ZNF641: variants seen among roughly 807,000 people sequenced by gnomAD.
ZNF641 encodes the protein zinc finger protein 641.
In ZNF641, 26 loss-of-function variants were observed where a neutral mutation model predicts 46.2. That is an observed-to-expected ratio of 0.56 (90% confidence interval 0.41 to 0.78). ZNF641 has a LOEUF of 0.78. Ranked by LOEUF, ZNF641 falls within the 30% of genes least tolerant of loss-of-function variation. The pLI, the probability that ZNF641 is intolerant of heterozygous loss-of-function variation, is 0.00. For synonymous variants in ZNF641, 163 were observed against 187.9 expected (o/e 0.87, Z 1.09); for missense variants, 469 against 517.8 (o/e 0.91, Z 0.91).
upstream of ZNF641, chr12:48,351,189 G>C (rs1953030896): frequency 6.6e-6 from 1 of 152,306 alleles, no homozygotes; most frequent in South Asian, 2.1e-4. Flanking sequence ...CCACTTGCCC[G>C]CACTCTTGCC....
chr12:48,346,196 G>A (rs1430957246), intron 3 of ZNF641, among the ~76,000 whole-genome samples: 1 of 152,090 alleles, frequency 6.6e-6, no homozygotes, highest in African/African-American at 2.4e-5. Context: ...GAGCCACCGT[G>A]CCTGGCCATA....
chr12:48,350,082 G>A lies in ZNF641; in HGVS notation c.-26+704C>T, dbSNP rs537396313. 1.9e-6 allele frequency: 3 copies of A among 1,614,222 alleles called. No homozygotes were observed. In the South Asian group the frequency reaches 3.3e-5, roughly 18 times the overall value. On this transcript the variant is annotated intron_variant, in intron 1 of 5. Transcript: ENST00000547026. ...TTGCATTTCCTAAGATATTCACGCA[G>A]AGCCAGCACCTGGGCGGTTAAGGTG...
chr12:48,341,164 T>C lies in ZNF641; in HGVS notation c.*1809A>G. The C allele has an allele frequency of 2.0e-6, 2 of 985,474 alleles. No homozygotes were observed. Among genetic ancestry groups the C allele is most frequent in the Non-Finnish European group, 2.4e-6 (2 of 829,938 alleles). The allele number at this position is 985,474 out of a possible 1,614,324, so 61.0% of individuals were successfully genotyped here. ...GAGCTGTGATTCACCCAGTTTTTCC[T>C]GCAAAAGGCACAGTCGCTAAACTAA... is the stretch of plus-strand genomic sequence containing the variant. On this transcript the variant is annotated 3_prime_UTR_variant, in exon 6 of 6. Transcript: ENST00000547026.
At chr12:48,344,565 A>AG (rs1245382406) in intron 5 of ZNF641, 34 bp downstream of exon 5, 1 of 1,370,920 alleles carries the variant, frequency 7.3e-7, no homozygotes. Context: ...CGAACTGTGA[A>AG]GGAAGTGGCT....
At chr12:48,347,395 A>G (rs750381757) in intron 2 of ZNF641, 52 bp from the exon 3 acceptor site, 7 of 1,514,950 alleles carry the variant, frequency 4.6e-6, no homozygotes, top group Non-Finnish European at 6.2e-6. Flanking sequence ...CCCTTTCTCA[A>G]TGGGGCCTGG....
At position 48,350,802 on chromosome 12, in the gene ZNF641, C is replaced by G; in HGVS notation, c.-42G>C. The G allele has an allele frequency of 8.1e-6, 8 of 984,412 alleles. No homozygotes were observed. The highest frequency in any genetic ancestry group is 9.7e-6 in the Non-Finnish European group (8 of 829,006). The allele number at this position is 984,412 out of a possible 1,614,324, so 61.0% of individuals were successfully genotyped here. A position where few individuals can be genotyped will look rare whatever the true frequency, so the allele number is the denominator to read the frequency against. On this transcript the variant is annotated 5_prime_UTR_variant, in exon 1 of 6. Transcript: ENST00000547026. Reference sequence around the variant, plus strand: ...TCCACTCACCCCCGGTAGGCTTGGCCCGCGGCCCGGTGCCTCCCTCCCGGG... The same window carrying G: ...TCCACTCACCCCCGGTAGGCTTGGCGCGCGGCCCGGTGCCTCCCTCCCGGG...
In ZNF641 at chr12:48,341,323, C is replaced by A. The variant is rs912651734; in HGVS notation, c.*1650G>T. ...CACTTTGCTCCTCTTCCTCCCTAAC[C>A]CCGAACTGCTCTTACATACAAGATA... On this transcript the variant is annotated 3_prime_UTR_variant, in exon 6 of 6. Coordinates refer to ENST00000547026, the MANE Select transcript of ZNF641 (RefSeq NM_001172681.2). 27 of 985,248 alleles carry A rather than the reference C, an allele frequency of 2.7e-5. No individual in the cohort carries two copies. Among genetic ancestry groups the A allele is most frequent in the Non-Finnish European group, 3.0e-5 (25 of 829,928 alleles). 61.0% of individuals were successfully genotyped at this position (985,248 alleles called of 1,614,324 possible).
chr12:48,347,212 T>C, intron 3 of ZNF641, 40 bp downstream of exon 3: 2 of 1,613,634 alleles, frequency 1.2e-6, no homozygotes, highest in Non-Finnish European at 1.7e-6. Context: ...AAGGCAGCAG[T>C]GATGGGACCA....
chr12:48,343,262 G>C lies in ZNF641; in HGVS notation c.986C>G (p.Ala329Gly). ...TTGGCCTTTGCAGGATTTGCCTTCT[G>C]CATGCACTCTCTGGTGGCTGGCCAG... ...SHLASHQRVH[A>G]EGKSCKGQEV... The change falls in exon 6 of 6, where the codon GCA (alanine) becomes GGA (glycine). Residue 329 changes from alanine (A) to glycine (G), a missense_variant. This residue lies in a region of ZNF641 where 346 missense variants were observed against 354.0 expected (regional missense o/e 0.98). Transcript: ENST00000547026. 2 of 1,614,252 alleles carry C rather than the reference G, an allele frequency of 1.2e-6. No individual in the cohort carries two copies. Among genetic ancestry groups the C allele is most frequent in the Non-Finnish European group, 1.7e-6 (2 of 1,180,044 alleles).
intron 2 of ZNF641, 81 bp downstream of exon 2, chr12:48,347,826 T>G: frequency 7.2e-7 from 1 of 1,381,828 alleles, no homozygotes. Flanking sequence ...CCATGGCAAT[T>G]TGGAGATTTT....
rs1344536360 is a variant in ZNF641 at position 48,340,845 on chromosome 12, T to C, written c.*2128A>G. The C allele has an allele frequency of 2.7e-5, 27 of 985,330 alleles. 1 individual carries two copies. The Admixed American group carries it at 1.5e-3, about 56-fold the overall frequency. 61.0% of individuals were successfully genotyped at this position (985,330 alleles called of 1,614,324 possible). A position where few individuals can be genotyped will look rare whatever the true frequency, so the allele number is the denominator to read the frequency against. ...AAAGAAATGTCAGAGTCCAGATTTATCACTGAACCCAATACTTTCTTACTC... is the reference window on the plus strand; with the variant it reads ...AAAGAAATGTCAGAGTCCAGATTTACCACTGAACCCAATACTTTCTTACTC... On this transcript the variant is annotated 3_prime_UTR_variant, in exon 6 of 6. Transcript: ENST00000547026.
rs767345934 is a variant in ZNF641 at position 48,343,314 on chromosome 12, C to T, written c.934G>A (p.Gly312Ser). 1.2e-6 allele frequency: 2 copies of T among 1,614,210 alleles called. No individual in the cohort carries two copies. The highest frequency in any genetic ancestry group is 1.7e-5 in the Admixed American group (1 of 60,030). Residue 312 changes from glycine (G) to serine (S), a missense_variant, in exon 6 of 6, where the codon GGT (glycine) becomes AGT (serine). Coordinates refer to ENST00000547026, the MANE Select transcript of ZNF641 (RefSeq NM_001172681.2). Reference protein sequence around the residue: ...HDKTSRCSECGKNFRCNSHLA... With the variant: ...HDKTSRCSECSKNFRCNSHLA... ...TGGGAGTTGCATCGGAAATTCTTAC[C>T]ACACTCAGAGCACCTGCTGGTCTTG...
chr12:48,343,731 CGGAGAA>C lies in ZNF641; in HGVS notation c.521-10_521-5del. On this transcript the variant is annotated splice_region_variant and splice_polypyrimidine_tract_variant and intron_variant, in intron 5 of 5. Coordinates refer to ENST00000547026, the MANE Select transcript of ZNF641 (RefSeq NM_001172681.2). Reference sequence around the variant, plus strand: ...CCCTCATGTTCACTTCCATCTCCTGCGGAGAAGGGGAAATACCAACCCCAAGAGAAG... The same window carrying C: ...CCCTCATGTTCACTTCCATCTCCTGCGGGGAAATACCAACCCCAAGAGAAG... 1 of 1,464,316 alleles carries C rather than the reference CGGAGAA, an allele frequency of 6.8e-7. No individual in the cohort carries two copies. The highest frequency in any genetic ancestry group is 9.0e-7 in the Non-Finnish European group (1 of 1,105,298). 90.7% of individuals were successfully genotyped at this position (1,464,316 alleles called of 1,614,324 possible). A position where few individuals can be genotyped will look rare whatever the true frequency, so the allele number is the denominator to read the frequency against.
At chr12:48,347,428 G>C in intron 2 of ZNF641, 85 bp from the exon 3 acceptor site, 2 of 1,231,518 alleles carry the variant, frequency 1.6e-6, no homozygotes, top group Non-Finnish European at 1.1e-6. Flanking sequence ...AGAGGCTTAA[G>C]GGTCACAACT....
chr12:48,347,379 G>T, intron 2 of ZNF641, 36 bp from the exon 3 acceptor site: 1 of 1,559,608 alleles, frequency 6.4e-7, no homozygotes. Context: ...AGAGAATAAC[G>T]ATCTACCCTT....
rs138163564 is a variant in ZNF641 at position 48,343,295 on chromosome 12, T to G, written c.953A>C (p.Asn318Thr). The G allele has an allele frequency of 2.6e-5, 42 of 1,614,036 alleles. No homozygotes were observed. Among genetic ancestry groups the G allele is most frequent in the South Asian group, 9.9e-5 (9 of 91,078 alleles). Residue 318 changes from asparagine (N) to threonine (T), a missense_variant, in exon 6 of 6, where the codon AAC (asparagine) becomes ACC (threonine). By Grantham distance (65) the Asn-to-Thr change is moderately conservative (BLOSUM62 0). Around this residue, in one of 3 missense-constraint regions of ZNF641, gnomAD observed 346 missense variants for 354.0 expected, o/e 0.98. Transcript: ENST00000547026. ...TCTCTGGTGGCTGGCCAGATGGGAG[T>G]TGCATCGGAAATTCTTACCACACTC... is the stretch of plus-strand genomic sequence containing the variant. ...CSECGKNFRC[N>T]SHLASHQRVH...
rs1229923246 is a variant in ZNF641 at position 48,339,439 on chromosome 12, G to C, written c.*3534C>G. 6.6e-6 allele frequency: 1 copy of C among 152,170 alleles called. No individual in the cohort carries two copies. Among genetic ancestry groups the C allele is most frequent in the African/African-American group, 2.4e-5 (1 of 41,422 alleles). 9.4% of individuals were successfully genotyped at this position (152,170 alleles called of 1,614,324 possible). A position where few individuals can be genotyped will look rare whatever the true frequency, so the allele number is the denominator to read the frequency against. On this transcript the variant is annotated 3_prime_UTR_variant, in exon 6 of 6. Transcript: ENST00000547026. ...CTCCTGGGGCGGGGGCTAAGAATTT[G>C]CATTTCAAACAAGTTTCCAGGTGAT...
intron 1 of ZNF641, chr12:48,349,959 A>G: frequency 6.5e-7 from 1 of 1,544,590 alleles, no homozygotes; most frequent in Non-Finnish European, 9.0e-7. Flanking sequence ...TGCAGAGCCC[A>G]TTGGGCCAGC....
intron 1 of ZNF641, among the ~76,000 whole-genome samples, chr12:48,349,447 C>G (rs1952969516): frequency 6.6e-6 from 1 of 152,208 alleles, no homozygotes; most frequent in African/African-American, 2.4e-5. Context: ...ACTATCCTGG[C>G]TTACTTACAT....
Sources: gnomAD v4.1 joint callset for allele counts (sites outside exome capture counted in the v4.1 genomes callset) on GRCh38, gnomAD v4.1.1 for gene constraint, gnomAD v4.1.1 regional missense constraint, MANE v1.5 for transcripts, NCBI Gene and HGNC (gene_info 2026-07-23, HGNC 2026-07-21) for gene names.